TMTC2: variants seen among roughly 807,000 people sequenced by gnomAD.
TMTC2 encodes protein O-mannosyl-transferase TMTC2.
TMTC2 carries 43 observed loss-of-function variants against 82.4 expected under a neutral mutation model. The ratio of observed to expected loss-of-function variants is 0.52; its 90% CI spans 0.41 to 0.67. The LOEUF (loss-of-function observed/expected upper bound fraction) is 0.67, where lower values mean the gene tolerates loss of function less well. TMTC2 is among the 30% of genes least tolerant of loss of function. The pLI is 0.00. For missense variants in TMTC2, 919 were observed against 1,012.4 expected (o/e 0.91, Z 1.25); for synonymous variants, 408 against 381.9 (o/e 1.07, Z -0.80).
chr12:83,020,136 T>C (rs913099217), intron 8 of TMTC2, among the ~76,000 whole-genome samples: 2 of 152,194 alleles, frequency 1.3e-5, no homozygotes, highest in Non-Finnish European at 2.9e-5. Context: ...TCAGACCAAC[T>C]GTTATAGGTC....
chr12:83,064,311 A>G (rs1483827676), intron 11 of TMTC2, among the ~76,000 whole-genome samples: 14 of 151,924 alleles, frequency 9.2e-5, no homozygotes, highest in Admixed American at 9.2e-4. Context: ...AAATCATAAA[A>G]TCAGTATTTA....
intron 4 of TMTC2, among the ~76,000 whole-genome samples, chr12:82,952,468 C>T (rs148250849): frequency 1.3e-3 from 192 of 151,970 alleles, no homozygotes; most frequent in African/African-American, 4.2e-3. Context: ...TCTCTATGAG[C>T]GCTATATTTG....
chr12:82,727,299 A>C (rs1383706401), intron 1 of TMTC2, among the ~76,000 whole-genome samples: 1 of 152,066 alleles, frequency 6.6e-6, no homozygotes, highest in Non-Finnish European at 1.5e-5. Context: ...ATTACATCAC[A>C]TATATAACCA....
chr12:82,861,745 GTAGT>G (rs1454259949), intron 2 of TMTC2, among the ~76,000 whole-genome samples: 1 of 152,122 alleles, frequency 6.6e-6, no homozygotes, highest in African/African-American at 2.4e-5. Flanking sequence ...AATTTTGTCA[GTAGT>G]TAATTTTGTC....
In TMTC2 at chr12:82,895,829, G is replaced by T; in HGVS notation, c.666G>T (p.Leu222Phe). ...ILPTIYKRKN[L>F]SLFLSISLLI... is the part of the protein sequence containing the mutation. Reference sequence around the variant, plus strand: ...TCTTTTGGTTTCAGAGGAAGAACTTGTCGCTTTTCCTAAGCATTAGTTTGT... The same window carrying T: ...TCTTTTGGTTTCAGAGGAAGAACTTTTCGCTTTTCCTAAGCATTAGTTTGT... The change falls in exon 3 of 12, where the codon TTG becomes TTT. Residue 222 changes from leucine (L) to phenylalanine (F), a missense_variant. Coordinates refer to ENST00000321196, the MANE Select transcript of TMTC2 (RefSeq NM_152588.3). 6.2e-7 allele frequency: 1 copy of T among 1,604,450 alleles called. No homozygotes were observed. The highest frequency in any genetic ancestry group is 1.7e-4 in the Middle Eastern group (1 of 5,970).
intron 1 of TMTC2, among the ~76,000 whole-genome samples, chr12:82,748,327 T>G (rs1875798186): frequency 6.6e-6 from 1 of 151,968 alleles, no homozygotes; most frequent in Non-Finnish European, 1.5e-5. Flanking sequence ...AAAAAAAGTT[T>G]AGAAGTCATT....
intron 1 of TMTC2, among the ~76,000 whole-genome samples, chr12:82,779,685 G>A (rs577445375): frequency 7.2e-5 from 11 of 152,152 alleles, no homozygotes; most frequent in South Asian, 4.1e-4. Flanking sequence ...GATCACCTGA[G>A]GTCAGGAGTT....
intron 1 of TMTC2, among the ~76,000 whole-genome samples, chr12:82,739,688 A>C (rs116476079): frequency 6.6e-6 from 1 of 151,056 alleles, no homozygotes; most frequent in Non-Finnish European, 1.5e-5. Context: ...CCAGACGTCT[A>C]AGTGAGTTGA....
At chr12:82,942,051 T>A (rs1317020626) in intron 4 of TMTC2, among the ~76,000 whole-genome samples, 2 of 152,222 alleles carry the variant, frequency 1.3e-5, no homozygotes, top group African/African-American at 4.8e-5. Flanking sequence ...GGGATAATGA[T>A]TTTGAAATAT....
chr12:82,827,092 A>C (rs950308493), intron 1 of TMTC2, among the ~76,000 whole-genome samples: 1 of 152,150 alleles, frequency 6.6e-6, no homozygotes, highest in East Asian at 1.9e-4. Flanking sequence ...TATTATGTGG[A>C]GAAATTGTAA....
At chr12:82,906,390 C>T (rs774829715) in intron 3 of TMTC2, among the ~76,000 whole-genome samples, 1 of 152,148 alleles carries the variant, frequency 6.6e-6, no homozygotes, top group Non-Finnish European at 1.5e-5. Flanking sequence ...TAAGGCCAGA[C>T]ACGGTGGCTC....
intron 9 of TMTC2, among the ~76,000 whole-genome samples, chr12:83,044,541 T>TAG (rs1182016907): frequency 2.0e-5 from 3 of 152,280 alleles, no homozygotes; most frequent in East Asian, 1.9e-4. Context: ...ACCCTCTGGA[T>TAG]AGAAGTATGG....
At chr12:82,788,401 TTGAC>T (rs1878290871) in intron 1 of TMTC2, among the ~76,000 whole-genome samples, 1 of 152,076 alleles carries the variant, frequency 6.6e-6, no homozygotes, top group Non-Finnish European at 1.5e-5. Context: ...ATGGCACAAA[TTGAC>T]TGAATTTTCA....
At position 82,857,079 on chromosome 12, in the gene TMTC2, T is replaced by C. The variant is rs1871293032; in HGVS notation, c.153T>C (p.Phe51=). 1.9e-6 allele frequency: 3 copies of C among 1,613,726 alleles called. No homozygotes were observed. The highest frequency in any genetic ancestry group is 1.7e-5 in the Admixed American group (1 of 60,008). ...TPWTHIFYND[F]WGTLLTHSGS... is the part of the protein sequence containing the mutation. ...GGACGCACATTTTCTACAATGATTT[T>C]TGGGGGACTCTTCTAACCCACAGTG... is the stretch of plus-strand genomic sequence containing the variant. Residue 51 remains phenylalanine, a synonymous_variant, in exon 2 of 12, where the codon TTT becomes TTC. Transcript: ENST00000321196.
At chr12:82,878,632 A>T (rs969294692) in intron 2 of TMTC2, among the ~76,000 whole-genome samples, 2 of 152,204 alleles carry the variant, frequency 1.3e-5, no homozygotes, top group Non-Finnish European at 2.9e-5. Context: ...TAGATAGTAA[A>T]GATGGGCCAG....
Position 83,132,191 on chromosome 12 carries a change from C to T in TMTC2, c.2332-19C>T, listed in dbSNP as rs776515535. ...TTGAAATGGCCTCCTAATTGTTTTC[C>T]TTCTTTCTCTTGTTGCAGTATCCGG... On this transcript the variant is annotated intron_variant, in intron 11 of 11. Transcript: ENST00000321196. 6 of 1,573,318 alleles carry T rather than the reference C, an allele frequency of 3.8e-6. No homozygotes were observed. In the African/African-American group the frequency reaches 5.5e-5, roughly 14 times the overall value.
At chr12:82,864,786 C>T (rs1393510242) in intron 2 of TMTC2, among the ~76,000 whole-genome samples, 3 of 151,446 alleles carry the variant, frequency 2.0e-5, no homozygotes, top group Non-Finnish European at 4.4e-5. Context: ...CAGGCGTGAG[C>T]CACCGCGCCC....
At chr12:82,689,378 G>A (rs1291442552) in intron 1 of TMTC2, among the ~76,000 whole-genome samples, 1 of 151,694 alleles carries the variant, frequency 6.6e-6, no homozygotes, top group Non-Finnish European at 1.5e-5. Context: ...GTCAGTGTGG[G>A]CAGTTACTGG....
chr12:82,705,483 T>C (rs932204919), intron 1 of TMTC2, among the ~76,000 whole-genome samples: 1 of 152,190 alleles, frequency 6.6e-6, no homozygotes, highest in Non-Finnish European at 1.5e-5. Flanking sequence ...CCAGAAGTAA[T>C]GGAAGGAAAG....
Sources: allele counts gnomAD v4.1 joint callset (sites outside exome capture counted in the v4.1 genomes callset), GRCh38; gene constraint gnomAD v4.1.1; transcripts MANE v1.5; gene names NCBI Gene and HGNC (gene_info 2026-07-23, HGNC 2026-07-21).